The following MYBPC2 variants were observed in gnomAD, a reference collection of about 807,000 sequenced individuals.
The protein encoded by MYBPC2 is myosin binding protein C2, also known as myosin-binding protein C, fast-type.
Under a neutral mutation model 137.0 loss-of-function variants are expected in MYBPC2, and 122 were observed. The observed-to-expected ratio is 0.89, with a 90% CI of 0.77 to 1.03. The LOEUF is 1.03. Ranked by LOEUF, MYBPC2 falls within the 50% of genes least tolerant of loss-of-function variation. The pLI, the probability that MYBPC2 is intolerant of heterozygous loss-of-function variation, is 0.00. For missense variants in MYBPC2, 1,500 were observed against 1,534.4 expected, an observed-to-expected ratio of 0.98 and a Z score of 0.37; for synonymous variants, 626 against 612.3, an observed-to-expected ratio of 1.02 and a Z score of -0.33.
At chr19:50,442,436 C>G in intron 9 of MYBPC2, 123 bp downstream of exon 9, 3 of 1,344,606 alleles carry the variant, frequency 2.2e-6, no homozygotes, top group South Asian at 3.0e-5. Flanking sequence ...GAGTACAGGC[C>G]GGGCACAGTG....
At position 50,448,302 on chromosome 19, in the gene MYBPC2, G is replaced by C. The variant is rs768971834; in HGVS notation, c.1384G>C (p.Val462Leu). Residue 462 changes from valine to leucine, a missense_variant, in exon 13 of 28, where the codon GTG (valine) becomes CTG (leucine). By Grantham distance (32) the Val-to-Leu change is conservative. Coordinates refer to ENST00000357701, the MANE Select transcript of MYBPC2 (RefSeq NM_004533.4). ...AGAACAAGCTGTGTTCAAGTGCGAG[G>C]TGTCTGATGAGAAAGTGACGGGCAA... Reference protein sequence around the residue: ...ASEQAVFKCEVSDEKVTGKWY... With the variant: ...ASEQAVFKCELSDEKVTGKWY... 13 of 1,613,808 alleles carry C rather than the reference G, an allele frequency of 8.1e-6. No homozygotes were observed. In the East Asian group the frequency reaches 2.9e-4, roughly 36 times the overall value.
intron 26 of MYBPC2, 31 bp downstream of exon 26, chr19:50,462,067 G>A (rs2039977818): frequency 1.3e-6 from 2 of 1,553,618 alleles, no homozygotes; most frequent in African/African-American, 1.4e-5. Flanking sequence ...ATCTGCGTGT[G>A]TGTTGCCTTG....
chr19:50,436,124 C>A lies in MYBPC2; in HGVS notation c.309C>A (p.Arg103=). The A allele has an allele frequency of 1.9e-6, 3 of 1,581,956 alleles. No homozygotes were observed. The highest frequency in any genetic ancestry group is 2.6e-6 in the Non-Finnish European group (3 of 1,164,458). ...AGCTGGGCAGCAAGAGTGGCGCCCG[C>A]TTCTCCTTCAAGGAGTCCCACAACT... ...WLELGSKSGA[R]FSFKESHNSA... Residue 103 remains arginine (R), a synonymous_variant, in exon 4 of 28, where the codon CGC becomes CGA. Coordinates refer to ENST00000357701, the MANE Select transcript of MYBPC2 (RefSeq NM_004533.4).
intron 4 of MYBPC2, 135 bp from the exon 5 acceptor site, chr19:50,436,482 C>A: frequency 1.2e-6 from 1 of 819,626 alleles, no homozygotes; most frequent in Non-Finnish European, 1.9e-6. Flanking sequence ...GTGCTGAGAC[C>A]CCTCTCGGTC....
At chr19:50,452,496 G>GTATCTATCTATCTATC (rs1448448589) in intron 16 of MYBPC2, among the ~76,000 whole-genome samples, 35 of 51,948 alleles carry the variant, frequency 6.7e-4, no homozygotes, top group South Asian at 2.4e-3. Flanking sequence ...ATGTATGTAT[G>GTATCTATCTATCTATC]TATGTATGTA....
chr19:50,433,132 A>G (rs1311525399), intron 1 of MYBPC2, among the ~76,000 whole-genome samples, 160 bp downstream of exon 1: 1 of 152,098 alleles, frequency 6.6e-6, no homozygotes, highest in East Asian at 1.9e-4. Context: ...GCATCAGTTT[A>G]GGGTGAGGGT....
intron 9 of MYBPC2, 39 bp from the exon 10 acceptor site, chr19:50,443,455 T>C (rs2039773613): frequency 6.2e-7 from 1 of 1,602,780 alleles, no homozygotes; most frequent in Non-Finnish European, 8.5e-7. Flanking sequence ...GATAGGTGGA[T>C]GCTCCACGCC....
chr19:50,433,051 G>T, intron 1 of MYBPC2, 79 bp downstream of exon 1: 1 of 1,474,192 alleles, frequency 6.8e-7, no homozygotes, highest in Non-Finnish European at 9.0e-7. Context: ...TCTGTTTGTA[G>T]GGTTGGGAGA....
rs2039825193 is a variant in MYBPC2 at position 50,448,340 on chromosome 19, T to A, written c.1422T>A (p.Asn474Lys). The change falls in exon 13 of 28, where the codon AAT becomes AAA. Residue 474 changes from asparagine (N) to lysine (K), a missense_variant. By Grantham distance (94) the Asn-to-Lys change is moderately conservative. Coordinates refer to ENST00000357701, the MANE Select transcript of MYBPC2 (RefSeq NM_004533.4). Reference protein sequence around the residue: ...DEKVTGKWYKNGVEVRPSKRI... With the variant: ...DEKVTGKWYKKGVEVRPSKRI... ...AAGTGACGGGCAAGTGGTATAAGAATGGGGTCGAGGTGCGGCCCAGCAAGA... is the reference window on the plus strand; with the variant it reads ...AAGTGACGGGCAAGTGGTATAAGAAAGGGGTCGAGGTGCGGCCCAGCAAGA... 2 of 1,613,740 alleles carry A rather than the reference T, an allele frequency of 1.2e-6. No individual in the cohort carries two copies. The highest frequency in any genetic ancestry group is 1.7e-6 in the Non-Finnish European group (2 of 1,179,814).
At chr19:50,440,419 T>A (rs1045409302) in intron 7 of MYBPC2, among the ~76,000 whole-genome samples, 1 of 151,810 alleles carries the variant, frequency 6.6e-6, no homozygotes, top group Non-Finnish European at 1.5e-5. Context: ...ATCCCAGCAC[T>A]TTGGGAGGCT....
Position 50,458,972 on chromosome 19 carries a change from T to C in MYBPC2, c.2561T>C (p.Val854Ala), listed in dbSNP as rs939174254. Residue 854 changes from valine (V) to alanine (A), a missense_variant, in exon 22 of 28, where the codon GTG (valine) becomes GCG (alanine). Coordinates refer to ENST00000357701, the MANE Select transcript of MYBPC2 (RefSeq NM_004533.4). ...RHLRQTYIRK[V>A]GEQLNLVVPF... The stretch of plus-strand genomic sequence containing the variant: ...CTCCGCCAGACCTACATCCGCAAAG[T>C]GGGCGAGCAGCTCAACCTTGTCGTC... 6.2e-7 allele frequency: 1 copy of C among 1,612,584 alleles called. No homozygotes were observed. The highest frequency in any genetic ancestry group is 8.5e-7 in the Non-Finnish European group (1 of 1,179,586).
intron 7 of MYBPC2, 89 bp from the exon 8 acceptor site, chr19:50,440,791 G>A: frequency 7.5e-7 from 1 of 1,340,490 alleles, no homozygotes; most frequent in East Asian, 2.4e-5. Context: ...TGGCTTGGGT[G>A]AGTCACAGAG....
Position 50,458,762 on chromosome 19 carries a change from G to GC in MYBPC2, c.2506+12dup, listed in dbSNP as rs757208553. On this transcript the variant is annotated intron_variant, in intron 21 of 27. Coordinates refer to ENST00000357701, the MANE Select transcript of MYBPC2 (RefSeq NM_004533.4). The stretch of plus-strand genomic sequence containing the variant: ...CCATCAGGGAGATTGCGGGTGCGTG[G>GC]CCCCTGACCCTGCGCTCCGAAAGAC... 1.9e-6 allele frequency: 3 copies of GC among 1,606,400 alleles called. No individual in the cohort carries two copies. The East Asian group carries it at 6.7e-5, about 36-fold the overall frequency.
Position 50,460,125 on chromosome 19 carries a change from T to TG in MYBPC2, c.2880dup (p.Asn961GlufsTer3). On this transcript the variant is annotated frameshift_variant, in exon 24 of 28. Transcript: ENST00000357701. LOFTEE classifies it high-confidence loss of function. ...TGGAGTGGCAGGCCCCCAAAGATGA[T>TG]GGGAACAGTGAGATCATGGGGTATT... The TG allele has an allele frequency of 1.3e-6, 2 of 1,577,590 alleles. No homozygotes were observed. The highest frequency in any genetic ancestry group is 1.7e-6 in the Non-Finnish European group (2 of 1,163,750).
rs1198493832 is a variant in MYBPC2 at position 50,465,687 on chromosome 19, C to CA, written c.3416-501dup. Among the ~76,000 whole-genome samples, 1 of 152,122 alleles carries CA rather than the reference C, an allele frequency of 6.6e-6. No homozygotes were observed. The highest frequency in any genetic ancestry group is 1.5e-5 in the Non-Finnish European group (1 of 68,010). On this transcript the variant is annotated intron_variant, in intron 27 of 27. Transcript: ENST00000357701. This position sits in a 1 kb window ranked among gnomAD's most constrained non-coding sequence, Gnocchi z 4.5. ...CGAAACCCTGTCTCTACTAAAAATA[C>CA]AAAAAAATTTAGCCGGGCCTGGTGG...
intron 25 of MYBPC2, 97 bp downstream of exon 25, chr19:50,461,798 C>G: frequency 6.3e-7 from 1 of 1,584,936 alleles, no homozygotes; most frequent in Non-Finnish European, 8.6e-7. Flanking sequence ...CTGGGGTTGA[C>G]GGCACCTAGT....
rs1210365437 is a variant in MYBPC2, at chr19:50,435,935, G to A, written c.196+73G>A. The A allele has an allele frequency of 7.1e-6, 11 of 1,548,868 alleles. No homozygotes were observed. Among genetic ancestry groups the A allele is most frequent in the African/African-American group, 1.4e-5 (1 of 73,076 alleles). Reference sequence around the variant, plus strand: ...CTGAGGGAGGAGGGGCCAGGGTCTCGTTCTGTCTCCCTCTGGAGAGCCTTA... The same window carrying A: ...CTGAGGGAGGAGGGGCCAGGGTCTCATTCTGTCTCCCTCTGGAGAGCCTTA... On this transcript the variant is annotated intron_variant, in intron 3 of 27. Coordinates refer to ENST00000357701, the MANE Select transcript of MYBPC2 (RefSeq NM_004533.4). This position sits in a 1 kb window ranked among gnomAD's most constrained non-coding sequence, Gnocchi z 4.8.
Position 50,452,594 on chromosome 19 carries a change from G to T in MYBPC2, c.1749+591G>T, listed in dbSNP as rs1457737710. ...TTTTTGAAAGGTGGAATCTCACTCTGTCACCCAGGCTGGAGTGCAGTGGCG... is the reference window on the plus strand; with the variant it reads ...TTTTTGAAAGGTGGAATCTCACTCTTTCACCCAGGCTGGAGTGCAGTGGCG... On this transcript the variant is annotated intron_variant, in intron 16 of 27. Transcript: ENST00000357701. Among the ~76,000 whole-genome samples, 3 of 151,878 alleles carry T rather than the reference G, an allele frequency of 2.0e-5. No homozygotes were observed. In the East Asian group the frequency reaches 5.8e-4, roughly 29 times the overall value.
At position 50,436,495 on chromosome 19, in the gene MYBPC2, C is replaced by A. The variant is rs554056753; in HGVS notation, c.346-122C>A. The A allele has an allele frequency of 2.3e-3, 2,095 of 904,774 alleles. 5 individuals are homozygous for A. The highest frequency in any genetic ancestry group is 3.2e-3 in the Non-Finnish European group (1,890 of 586,364). The allele number at this position is 904,774 out of a possible 1,614,324, so 56.0% of individuals were successfully genotyped here. On this transcript the variant is annotated intron_variant, in intron 4 of 27. Transcript: ENST00000357701. Reference sequence around the variant, plus strand: ...AGGTGCTGAGACCCCTCTCGGTCTCCATTGGCCCCCCTGTGGGGTGGGGGT... The same window carrying A: ...AGGTGCTGAGACCCCTCTCGGTCTCAATTGGCCCCCCTGTGGGGTGGGGGT...
Sources: allele counts gnomAD v4.1 joint callset (sites outside exome capture counted in the v4.1 genomes callset), GRCh38; gene constraint gnomAD v4.1.1; non-coding constraint Gnocchi (gnomAD v3.1); transcripts MANE v1.5; gene names NCBI Gene and HGNC (gene_info 2026-07-23, HGNC 2026-07-21).